The following EVA1C variants were observed in gnomAD, a reference collection of about 807,000 sequenced individuals.
EVA1C encodes the protein eva-1 homolog C, also known as protein eva-1 homolog C.
A neutral mutation model predicts 45.4 loss-of-function variants in EVA1C; 25 were observed. That is an observed-to-expected ratio of 0.55 (90% CI 0.40 to 0.77). The LOEUF (loss-of-function observed/expected upper bound fraction) is 0.77, where lower values mean the gene tolerates loss of function less well. Among genes scored for constraint, EVA1C ranks in the 30% least tolerant of loss-of-function variants. The pLI is 0.00. For missense variants in EVA1C, 479 were observed against 554.8 expected, an observed-to-expected ratio of 0.86 and a Z score of 1.37; for synonymous variants, 190 against 221.2, an observed-to-expected ratio of 0.86 and a Z score of 1.25.
At chr21:32,505,552 C>T (rs1312356670) in intron 7 of EVA1C, among the ~76,000 whole-genome samples, 6 of 152,198 alleles carry the variant, frequency 3.9e-5, no homozygotes, top group African/African-American at 1.4e-4. Flanking sequence ...GTCCGTTCCT[C>T]TCAACAACTG....
At chr21:32,432,473 C>T (rs1285836381) in intron 1 of EVA1C, among the ~76,000 whole-genome samples, 1 of 152,034 alleles carries the variant, frequency 6.6e-6, no homozygotes, top group Non-Finnish European at 1.5e-5. Flanking sequence ...GGGAACGCAC[C>T]ACCAAAGTTG....
chr21:32,444,339 C>T (rs891597886), intron 1 of EVA1C, among the ~76,000 whole-genome samples: 8 of 152,180 alleles, frequency 5.3e-5, no homozygotes, highest in Non-Finnish European at 1.2e-4. Context: ...TCTGGGCCTC[C>T]GGAACTTCTG....
intron 5 of EVA1C, among the ~76,000 whole-genome samples, chr21:32,500,017 G>T (rs1268740363): frequency 6.6e-6 from 1 of 152,080 alleles, no homozygotes. Context: ...AATCACTTTA[G>T]CACAGGGTCT....
At chr21:32,469,638 G>C (rs1288659014) in intron 4 of EVA1C, among the ~76,000 whole-genome samples, 1 of 152,218 alleles carries the variant, frequency 6.6e-6, no homozygotes, top group Non-Finnish European at 1.5e-5. Flanking sequence ...GGGCTGGCAA[G>C]TCTGAAACCT....
At chr21:32,495,247 G>A in intron 5 of EVA1C, 77 bp downstream of exon 5, 1 of 1,526,116 alleles carries the variant, frequency 6.6e-7, no homozygotes, top group East Asian at 2.3e-5. Context: ...TGAACGGCAG[G>A]AGTTTGCCCA....
At chr21:32,425,973 T>TA (rs140652952) in intron 1 of EVA1C, among the ~76,000 whole-genome samples, 5 of 149,914 alleles carry the variant, frequency 3.3e-5, no homozygotes, top group African/African-American at 4.9e-5. Context: ...TTTTTTTTTT[T>TA]AAATCAGAGT....
chr21:32,484,241 A>G (rs1030624109), intron 4 of EVA1C, among the ~76,000 whole-genome samples: 115 of 152,114 alleles, frequency 7.6e-4, no homozygotes, highest in African/African-American at 2.7e-3. Context: ...AGGAACTACC[A>G]TTTAATATTT....
chr21:32,473,761 A>C (rs1222760489), intron 4 of EVA1C, among the ~76,000 whole-genome samples: 2 of 152,186 alleles, frequency 1.3e-5, no homozygotes. Context: ...GCAGTGATGC[A>C]CCAAGTGCAG....
intron 1 of EVA1C, among the ~76,000 whole-genome samples, chr21:32,437,871 G>A (rs2035021208): frequency 6.6e-6 from 1 of 152,188 alleles, no homozygotes; most frequent in Admixed American, 6.5e-5. Context: ...GAATGAGGGA[G>A]GAGCGAGCGC....
At chr21:32,420,085 G>A (rs2034206977) in intron 1 of EVA1C, among the ~76,000 whole-genome samples, 1 of 152,214 alleles carries the variant, frequency 6.6e-6, no homozygotes, top group Admixed American at 6.5e-5. Context: ...CGGCTCAGCA[G>A]AGGCAGTAAC....
chr21:32,419,469 C>A (rs551195600), intron 1 of EVA1C, among the ~76,000 whole-genome samples: 1 of 152,216 alleles, frequency 6.6e-6, no homozygotes, highest in African/African-American at 2.4e-5. Context: ...AATCCCAACA[C>A]TTTGGGAGGC....
Position 32,503,861 on chromosome 21 carries a change from G to T in EVA1C, c.860-65G>T. The T allele has an allele frequency of 7.4e-6, 8 of 1,080,048 alleles. No homozygotes were observed. In the South Asian group the frequency reaches 1.2e-4, roughly 16 times the overall value. The allele number at this position is 1,080,048 out of a possible 1,614,324, so 66.9% of individuals were successfully genotyped here. On this transcript the variant is annotated intron_variant, in intron 6 of 7. Transcript: ENST00000300255. Reference sequence around the variant, plus strand: ...GGTCCCTGGGGTAGGAGCAGCAGGGGTGTCTTAGAATAGGCGTACTATGAA... The same window carrying T: ...GGTCCCTGGGGTAGGAGCAGCAGGGTTGTCTTAGAATAGGCGTACTATGAA...
At chr21:32,476,595 C>T (rs533977450) in intron 4 of EVA1C, among the ~76,000 whole-genome samples, 2 of 152,150 alleles carry the variant, frequency 1.3e-5, no homozygotes, top group East Asian at 1.9e-4. Flanking sequence ...GAGCCGAGAT[C>T]GCGCCATTGC....
intron 5 of EVA1C, 102 bp downstream of exon 5, chr21:32,495,272 C>A: frequency 8.2e-7 from 1 of 1,212,126 alleles, no homozygotes; most frequent in Non-Finnish European, 1.2e-6. Flanking sequence ...AAGCCAAACA[C>A]TGCTCCTCCT....
At chr21:32,466,852 G>C (rs1174470521) in intron 3 of EVA1C, among the ~76,000 whole-genome samples, 2 of 151,452 alleles carry the variant, frequency 1.3e-5, no homozygotes, top group Admixed American at 1.3e-4. Context: ...TTAGAGATGA[G>C]GTCTTGCTAT....
chr21:32,442,506 A>C (rs532910716), intron 1 of EVA1C, among the ~76,000 whole-genome samples: 1 of 152,026 alleles, frequency 6.6e-6, no homozygotes, highest in African/African-American at 2.4e-5. Context: ...GCCATTGCCA[A>C]TTCTCTAAAT....
intron 3 of EVA1C, among the ~76,000 whole-genome samples, chr21:32,459,227 T>TG (rs1165851511): frequency 6.6e-6 from 1 of 151,688 alleles, no homozygotes; most frequent in Non-Finnish European, 1.5e-5. Context: ...CTGTCATACA[T>TG]GCTCACACAC....
chr21:32,511,414 C>T (rs1455408245), intron 7 of EVA1C, among the ~76,000 whole-genome samples: 7 of 73,480 alleles, frequency 9.5e-5, no homozygotes, highest in Non-Finnish European at 1.2e-4. Context: ...AGCAAAACTC[C>T]GTCTCAAAAA....
At chr21:32,427,376 A>T (rs2034528253) in intron 1 of EVA1C, among the ~76,000 whole-genome samples, 1 of 152,236 alleles carries the variant, frequency 6.6e-6, no homozygotes, top group Non-Finnish European at 1.5e-5. Flanking sequence ...ATCTTCTCAA[A>T]TGCCTCTTGA....
Sources: gnomAD v4.1 joint callset for allele counts (sites outside exome capture counted in the v4.1 genomes callset) on GRCh38, gnomAD v4.1.1 for gene constraint, MANE v1.5 for transcripts, NCBI Gene and HGNC (gene_info 2026-07-23, HGNC 2026-07-21) for gene names.